Variants in ADAP1 observed in about 807,000 individuals in gnomAD.
ADAP1 encodes arf-GAP with dual PH domain-containing protein 1.
Under a neutral mutation model 54.9 loss-of-function variants are expected in ADAP1, and 31 were observed. That is an observed-to-expected ratio of 0.56 (90% CI 0.42 to 0.76). The LOEUF (loss-of-function observed/expected upper bound fraction) is 0.76, where lower values mean the gene tolerates loss of function less well. Among genes scored for constraint, ADAP1 ranks in the 30% least tolerant of loss-of-function variants. ADAP1 has a pLI of 0.00. For synonymous variants in ADAP1, 313 were observed against 202.6 expected (o/e 1.55, Z -4.63); for missense variants, 535 against 512.4 (o/e 1.04, Z -0.42).
rs1416747784 is a variant in ADAP1, at chr7:905,105, C to G, written c.456G>C (p.Val152=). ...TCAGAGCACCCTCTCGTTCTGTCAG[C>G]ACAAACTTCCGGCTCAAAAACTGCC... ...DNGQFLSRKF[V]LTEREGALKY... Residue 152 remains valine (V), a synonymous_variant, in exon 5 of 11, where the codon GTG becomes GTC. Coordinates refer to ENST00000265846, the MANE Select transcript of ADAP1 (RefSeq NM_006869.4). 7 of 1,612,368 alleles carry G rather than the reference C, an allele frequency of 4.3e-6. No individual in the cohort carries two copies. The highest frequency in any genetic ancestry group is 5.9e-6 in the Non-Finnish European group (7 of 1,179,918).
chr7:925,855 C>T (rs989816225), intron 3 of ADAP1, among the ~76,000 whole-genome samples: 3 of 152,202 alleles, frequency 2.0e-5, no homozygotes, highest in Non-Finnish European at 4.4e-5. Context: ...AGGGCGGTGC[C>T]CAGTGAGGCT....
chr7:914,037 G>A (rs912899520), intron 4 of ADAP1, among the ~76,000 whole-genome samples: 5 of 152,232 alleles, frequency 3.3e-5, no homozygotes, highest in Non-Finnish European at 5.9e-5. Context: ...CATGGTCCTG[G>A]GTGGCGTGGC....
chr7:905,239 T>A (rs1310709378), intron 4 of ADAP1, 67 bp from the exon 5 acceptor site: 2 of 1,091,048 alleles, frequency 1.8e-6, no homozygotes, highest in Non-Finnish European at 2.6e-6. Context: ...GGAGTGACGA[T>A]GGACAGGACA....
chr7:951,958 C>A (rs948039603), intron 1 of ADAP1, among the ~76,000 whole-genome samples: 1 of 152,174 alleles, frequency 6.6e-6, no homozygotes, highest in Non-Finnish European at 1.5e-5. Flanking sequence ...TGAGCCACCG[C>A]GCCCGGTCCC....
chr7:918,047 C>T (rs7457906), intron 4 of ADAP1, among the ~76,000 whole-genome samples: 6,326 of 152,262 alleles, frequency 0.042, 457 homozygotes, highest in East Asian at 0.27. Context: ...CCTTGACCTC[C>T]ATATAAAGTG....
At position 905,365 on chromosome 7, in the gene ADAP1, G is replaced by GGAAAGGA. The variant is rs1554271712; in HGVS notation, c.389-194_389-193insTCCTTTC. The GGAAAGGA allele has an allele frequency of 1.4e-4, 18 of 131,586 alleles. 2 individuals carry two copies. The highest frequency in any genetic ancestry group is 1.0e-3 in the African/African-American group (6 of 5,828). The allele number at this position is 131,586 out of a possible 1,614,324, so 8.2% of individuals were successfully genotyped here. A position where few individuals can be genotyped will look rare whatever the true frequency, so the allele number is the denominator to read the frequency against. ...GAGATAGGAAGATGGGCAGGGAAAGGGAAAGGGAAAGGAGAAAGGAGAAAG... is the reference window on the plus strand; with the variant it reads ...GAGATAGGAAGATGGGCAGGGAAAGGGAAAGGAGAAAGGGAAAGGAGAAAGGAGAAAG... On this transcript the variant is annotated intron_variant, in intron 4 of 10. Transcript: ENST00000265846.
chr7:899,908 G>A (rs1339901491), intron 8 of ADAP1, among the ~76,000 whole-genome samples, 194 bp downstream of exon 8: 2 of 152,230 alleles, frequency 1.3e-5, no homozygotes, highest in African/African-American at 2.4e-5. Context: ...AGCGGGCAGG[G>A]AGGGTCTAAC....
intron 7 of ADAP1, 130 bp from the exon 8 acceptor site, chr7:900,294 G>A (rs558236969): frequency 6.6e-5 from 77 of 1,159,312 alleles, no homozygotes; most frequent in Admixed American, 4.2e-4. Context: ...CTTAGCCTCC[G>A]CAGGATCCAC....
Position 898,590 on chromosome 7 carries a change from G to T in ADAP1, c.*331C>A. 2 of 429,768 alleles carry T rather than the reference G, an allele frequency of 4.7e-6. No individual in the cohort carries two copies. Among genetic ancestry groups the T allele is most frequent in the Non-Finnish European group, 8.7e-6 (2 of 229,152 alleles). The allele number at this position is 429,768 out of a possible 1,614,324, so 26.6% of individuals were successfully genotyped here. On this transcript the variant is annotated 3_prime_UTR_variant, in exon 11 of 11. Transcript: ENST00000265846. ...AGGCCTGGAAGTTCCCACAGCCGTG[G>T]TGGGCGGCTCCTGGGGGCTGTGTCT...
At chr7:907,151 T>C (rs78378149) in intron 4 of ADAP1, among the ~76,000 whole-genome samples, 2,415 of 152,062 alleles carry the variant, frequency 0.016, 70 homozygotes, top group East Asian at 0.12. Context: ...CAAGCCCTCA[T>C]CTCCGCCTGT....
intron 4 of ADAP1, among the ~76,000 whole-genome samples, chr7:919,399 T>C (rs1274555591): frequency 6.6e-6 from 1 of 152,044 alleles, no homozygotes; most frequent in Non-Finnish European, 1.5e-5. Context: ...AGGGCTGGAC[T>C]GTAGACAGCT....
chr7:900,595 C>T lies in ADAP1; in HGVS notation c.670G>A (p.Ala224Thr). 1 of 1,608,788 alleles carries T rather than the reference C, an allele frequency of 6.2e-7. No individual in the cohort carries two copies. Among genetic ancestry groups the T allele is most frequent in the Non-Finnish European group, 8.5e-7 (1 of 1,178,720 alleles). The change falls in exon 7 of 11, where the codon GCA becomes ACA. Residue 224 changes from alanine (A) to threonine (T), a missense_variant. Physicochemically the swap from Ala to Thr is moderately conservative, Grantham distance 58. Coordinates refer to ENST00000265846, the MANE Select transcript of ADAP1 (RefSeq NM_006869.4). ...TAGTGGAAGCGAGCAGCTCGGAGTG[C>T]ATTGAACCAGTCCACAATCTCCTAG... The part of the protein sequence containing the change: ...DGKEIVDWFN[A>T]LRAARFHYLQ...
intron 4 of ADAP1, among the ~76,000 whole-genome samples, chr7:912,151 T>G (rs1340030976): frequency 6.6e-6 from 1 of 152,098 alleles, no homozygotes; most frequent in Non-Finnish European, 1.5e-5. Flanking sequence ...CATCCCTGCC[T>G]GGTACCACCA....
At position 945,263 on chromosome 7, in the gene ADAP1, C is replaced by T. The variant is rs1847108724; in HGVS notation, c.82+9133G>A. On this transcript the variant is annotated intron_variant, in intron 1 of 10. Transcript: ENST00000265846. The surrounding 1 kb of genome is among the most constrained non-coding windows in gnomAD (Gnocchi z 4.2). ...CGCAAATGCCCGCAGCCCATCGGAGCGAAAAGGGGCGGGGCACGCACTCTC... is the reference window on the plus strand; with the variant it reads ...CGCAAATGCCCGCAGCCCATCGGAGTGAAAAGGGGCGGGGCACGCACTCTC... Among the ~76,000 whole-genome samples, 2 of 152,290 alleles carry T rather than the reference C, an allele frequency of 1.3e-5. No individual in the cohort carries two copies. The highest frequency in any genetic ancestry group is 4.8e-5 in the African/African-American group (2 of 41,558).
intron 4 of ADAP1, among the ~76,000 whole-genome samples, chr7:907,246 A>C (rs1055597257): frequency 6.6e-6 from 1 of 152,084 alleles, no homozygotes; most frequent in Non-Finnish European, 1.5e-5. Flanking sequence ...GCCACCTTCT[A>C]TGGCAAAACA....
intron 4 of ADAP1, among the ~76,000 whole-genome samples, chr7:907,916 C>G (rs945316428): frequency 6.6e-6 from 1 of 151,468 alleles, no homozygotes; most frequent in South Asian, 2.1e-4. Flanking sequence ...GAGGAGCCGT[C>G]TGCCGAGCAT....
chr7:909,213 G>GGA (rs1562917951), intron 4 of ADAP1, among the ~76,000 whole-genome samples: 14 of 66,612 alleles, frequency 2.1e-4, no homozygotes, highest in African/African-American at 9.1e-4. Context: ...GCAGGCGCCA[G>GGA]CGGGAACCCC....
At chr7:919,350 G>A (rs941391998) in intron 4 of ADAP1, among the ~76,000 whole-genome samples, 2 of 152,158 alleles carry the variant, frequency 1.3e-5, no homozygotes, top group African/African-American at 2.4e-5. Context: ...GGAGGGGCCA[G>A]CCACGGCCCC....
At position 906,744 on chromosome 7, in the gene ADAP1, C is replaced by G. The variant is rs1845449327; in HGVS notation, c.389-1572G>C. On this transcript the variant is annotated intron_variant, in intron 4 of 10. Transcript: ENST00000265846. Reference sequence around the variant, plus strand: ...GGGACGGGACATGGGGGACAGAGTACATAGGGGACATGGACAGGGGACATG... The same window carrying G: ...GGGACGGGACATGGGGGACAGAGTAGATAGGGGACATGGACAGGGGACATG... Among the ~76,000 whole-genome samples the G allele has an allele frequency of 8.6e-4, 20 of 23,242 alleles. 1 individual carries two copies. The highest frequency in any genetic ancestry group is 1.1e-3 in the South Asian group (1 of 896). The allele number at this position is 23,242 out of a possible 152,430, so 15.2% of individuals were successfully genotyped here. A position where few individuals can be genotyped will look rare whatever the true frequency, so the allele number is the denominator to read the frequency against.
Sources: gnomAD v4.1 joint callset for allele counts (sites outside exome capture counted in the v4.1 genomes callset) on GRCh38, gnomAD v4.1.1 for gene constraint, Gnocchi (gnomAD v3.1) non-coding constraint, MANE v1.5 for transcripts, NCBI Gene and HGNC (gene_info 2026-07-23, HGNC 2026-07-21) for gene names.